ZMIZ1: variants seen among roughly 807,000 people sequenced by gnomAD.
The protein encoded by ZMIZ1 is zinc finger MIZ-type containing 1, also known as zinc finger MIZ domain-containing protein 1.
A neutral mutation model predicts 113.9 loss-of-function variants in ZMIZ1; 17 were observed. That is an observed-to-expected ratio of 0.15 (90% CI 0.10 to 0.22). The LOEUF (loss-of-function observed/expected upper bound fraction) is 0.22. ZMIZ1 is among the 10% of genes least tolerant of loss of function. The pLI is 1.00. For synonymous variants in ZMIZ1, 607 were observed against 603.1 expected, an observed-to-expected ratio of 1.01 and a Z score of -0.09; for missense variants, 1,059 against 1,477.8, an observed-to-expected ratio of 0.72 and a Z score of 4.65.
In ZMIZ1 at chr10:79,316,160, C is replaced by T. The variant is rs1855521975; in HGVS notation, c.*3411C>T. 6.6e-6 allele frequency: 1 copy of T among 152,644 alleles called. No homozygotes were observed. 9.5% of individuals were successfully genotyped at this position (152,644 alleles called of 1,614,324 possible). ...TTTGATATCATGATCACAGGTGATT[C>T]ACACGTACACACATAAACACACCCA... On this transcript the variant is annotated 3_prime_UTR_variant, in exon 25 of 25. Transcript: ENST00000334512.
At chr10:79,150,856 G>A (rs1337264164) in intron 3 of ZMIZ1, among the ~76,000 whole-genome samples, 1 of 152,048 alleles carries the variant, frequency 6.6e-6, no homozygotes, top group East Asian at 1.9e-4. Context: ...CCAGAAGCAG[G>A]GATGGGGCTG....
chr10:79,077,749 AAC>A (rs967195351), intron 1 of ZMIZ1, among the ~76,000 whole-genome samples: 2 of 152,240 alleles, frequency 1.3e-5, no homozygotes, highest in Non-Finnish European at 2.9e-5. Context: ...ACATCTGTAA[AAC>A]AGGCTTACTA....
Position 79,292,148 on chromosome 10 carries a change from C to A in ZMIZ1, c.759-10C>A, listed in dbSNP as rs2132032549. ...CAGTACCTAACTCTTCCACCCTTCT[C>A]CCCCTGCAGTTACCCTGGGGGTCCT... On this transcript the variant is annotated splice_polypyrimidine_tract_variant and intron_variant, in intron 10 of 24. Transcript: ENST00000334512. 3.1e-6 allele frequency: 5 copies of A among 1,603,880 alleles called. No homozygotes were observed. The South Asian group carries it at 3.3e-5, about 11-fold the overall frequency.
At chr10:79,259,330 G>A (rs1015977102) in intron 7 of ZMIZ1, among the ~76,000 whole-genome samples, 2 of 152,116 alleles carry the variant, frequency 1.3e-5, no homozygotes, top group Non-Finnish European at 2.9e-5. Context: ...AGGAGTGGGA[G>A]GGAGTCACCT....
intron 1 of ZMIZ1, among the ~76,000 whole-genome samples, chr10:79,080,210 G>A (rs1293697034): frequency 2.6e-5 from 4 of 151,924 alleles, no homozygotes; most frequent in Non-Finnish European, 4.4e-5. Flanking sequence ...TTGGCTCTCC[G>A]CCTGTCTGCC....
At chr10:79,206,232 T>C (rs1848313391) in intron 5 of ZMIZ1, among the ~76,000 whole-genome samples, 1 of 152,166 alleles carries the variant, frequency 6.6e-6, no homozygotes, top group African/African-American at 2.4e-5. Flanking sequence ...TACTGAAGGC[T>C]GGGCACTCGG....
intron 7 of ZMIZ1, among the ~76,000 whole-genome samples, chr10:79,249,304 T>G (rs1292092900): frequency 1.3e-5 from 2 of 152,204 alleles, no homozygotes; most frequent in Non-Finnish European, 2.9e-5. Context: ...AGTAGCTTCC[T>G]GTCATCCCTT....
At chr10:79,293,883 T>TGAG in intron 12 of ZMIZ1, 3 of 649,834 alleles carry the variant, frequency 4.6e-6, no homozygotes, top group Non-Finnish European at 5.3e-6. Context: ...TTGAGGGACT[T>TGAG]GAGGAGGTGT....
chr10:79,179,462 G>T (rs703987), intron 4 of ZMIZ1, among the ~76,000 whole-genome samples: 2 of 152,082 alleles, frequency 1.3e-5, no homozygotes, highest in African/African-American at 2.4e-5. Context: ...CTCTGCACCC[G>T]CACTCAGTCT....
chr10:79,155,326 C>T (rs1247381363), intron 3 of ZMIZ1, among the ~76,000 whole-genome samples: 2 of 152,228 alleles, frequency 1.3e-5, no homozygotes, highest in Non-Finnish European at 2.9e-5. Flanking sequence ...TTCCCCCTCC[C>T]TTTCCCAGTT....
intron 7 of ZMIZ1, among the ~76,000 whole-genome samples, chr10:79,253,347 C>G (rs1463543084): frequency 6.6e-6 from 1 of 152,132 alleles, no homozygotes; most frequent in African/African-American, 2.4e-5. Context: ...CTTACAAACA[C>G]ACTGGGTGTT....
At chr10:79,100,760 T>C (rs61851356) in intron 1 of ZMIZ1, among the ~76,000 whole-genome samples, 1,544 of 152,256 alleles carry the variant, frequency 0.01, 16 homozygotes, top group Non-Finnish European at 0.014. Flanking sequence ...GTGCTGCAGA[T>C]ATCATGTGGC....
At chr10:79,218,071 C>A (rs1024304398) in intron 7 of ZMIZ1, among the ~76,000 whole-genome samples, 1 of 152,170 alleles carries the variant, frequency 6.6e-6, no homozygotes. Flanking sequence ...CAGGGGCCAC[C>A]AAGCTTTTTT....
At chr10:79,202,051 G>A (rs114014005) in intron 5 of ZMIZ1, among the ~76,000 whole-genome samples, 1,127 of 85,370 alleles carry the variant, frequency 0.013, 20 homozygotes, top group African/African-American at 0.049. Context: ...TGCTCCAGTC[G>A]TTCTCAAAAA....
At chr10:79,221,628 G>A (rs892645555) in intron 7 of ZMIZ1, among the ~76,000 whole-genome samples, 2 of 151,162 alleles carry the variant, frequency 1.3e-5, no homozygotes, top group African/African-American at 2.4e-5. Flanking sequence ...GCAGTCCCAC[G>A]CCTGCTGGCA....
intron 17 of ZMIZ1, 57 bp from the exon 18 acceptor site, chr10:79,302,050 G>T: frequency 6.4e-7 from 1 of 1,572,842 alleles, no homozygotes; most frequent in Non-Finnish European, 8.7e-7. Context: ...GAGGCTGCAG[G>T]CAGGGCGGGG....
intron 1 of ZMIZ1, among the ~76,000 whole-genome samples, chr10:79,096,291 A>G (rs573929640): frequency 6.6e-6 from 1 of 152,206 alleles, no homozygotes; most frequent in African/African-American, 2.4e-5. Context: ...CAGGCGGATC[A>G]CAAGGTCAGG....
chr10:79,157,368 G>GGGGT (rs1554859152), intron 3 of ZMIZ1, among the ~76,000 whole-genome samples: 5 of 147,704 alleles, frequency 3.4e-5, no homozygotes, highest in Non-Finnish European at 6.0e-5. Flanking sequence ...AGGCATAAGG[G>GGGGT]GTGTGTGTGT....
At chr10:79,111,387 G>A (rs190904184) in intron 1 of ZMIZ1, among the ~76,000 whole-genome samples, 2 of 152,240 alleles carry the variant, frequency 1.3e-5, no homozygotes, top group Non-Finnish European at 2.9e-5. Flanking sequence ...ATTCCAGAAG[G>A]ACAGAAGTGT....
Sources: allele counts gnomAD v4.1 joint callset (sites outside exome capture counted in the v4.1 genomes callset), GRCh38; gene constraint gnomAD v4.1.1; transcripts MANE v1.5; gene names NCBI Gene and HGNC (gene_info 2026-07-23, HGNC 2026-07-21).